Variants in MYRIP observed in about 807,000 individuals in gnomAD.
MYRIP encodes the protein rab effector MyRIP.
MYRIP carries 49 observed loss-of-function variants against 98.0 expected under a neutral mutation model. The observed-to-expected ratio is 0.50, with a 90% CI of 0.40 to 0.63. The LOEUF (loss-of-function observed/expected upper bound fraction) is 0.63. Ranked by LOEUF, MYRIP falls within the 30% of genes least tolerant of loss-of-function variation. The pLI is 0.00. For missense variants in MYRIP, 1,004 were observed against 1,058.2 expected (o/e 0.95, Z 0.71); for synonymous variants, 404 against 409.5 (o/e 0.99, Z 0.16).
intron 10 of MYRIP, among the ~76,000 whole-genome samples, chr3:40,191,129 G>A (rs1041843759): frequency 1.1e-4 from 17 of 152,166 alleles, no homozygotes; most frequent in African/African-American, 3.4e-4. Context: ...TTCCCACATG[G>A]TTTAGTTCAA....
chr3:40,060,991 ATGT>A lies in MYRIP; in HGVS notation c.332+16725_332+16727del, dbSNP rs1176026316. Among the ~76,000 whole-genome samples, 5 of 152,180 alleles carry A rather than the reference ATGT, an allele frequency of 3.3e-5. No homozygotes were observed. In the South Asian group the frequency reaches 6.2e-4, roughly 19 times the overall value. On this transcript the variant is annotated intron_variant, in intron 3 of 16. Coordinates refer to ENST00000302541, the MANE Select transcript of MYRIP (RefSeq NM_015460.4). ...ATAATTCAACAGGATATGCATATTG[ATGT>A]TGTTATTGACATATTTGATTAAAAA...
chr3:40,239,736 C>T (rs1241017807), intron 12 of MYRIP, among the ~76,000 whole-genome samples: 34 of 146,536 alleles, frequency 2.3e-4, no homozygotes, highest in African/African-American at 8.3e-4. Flanking sequence ...TGTCCTTTGC[C>T]CACTTTTTGA....
At chr3:40,089,325 A>T (rs1948695357) in intron 3 of MYRIP, among the ~76,000 whole-genome samples, 1 of 152,186 alleles carries the variant, frequency 6.6e-6, no homozygotes, top group South Asian at 2.1e-4. Context: ...TTTTGCTTGC[A>T]TTGTGTTATT....
At chr3:40,239,665 T>C (rs1444142465) in intron 12 of MYRIP, among the ~76,000 whole-genome samples, 4 of 150,676 alleles carry the variant, frequency 2.7e-5, no homozygotes, top group Admixed American at 6.6e-5. Flanking sequence ...CCAGTGATGA[T>C]GAGCATTTTT....
At chr3:40,073,922 C>G (rs1028043239) in intron 3 of MYRIP, among the ~76,000 whole-genome samples, 1 of 152,182 alleles carries the variant, frequency 6.6e-6, no homozygotes, top group Admixed American at 6.5e-5. Flanking sequence ...CTGTATAGAT[C>G]TGAGGTCCAA....
intron 2 of MYRIP, among the ~76,000 whole-genome samples, chr3:39,946,552 TGAG>T (rs1170159046): frequency 6.6e-6 from 1 of 152,146 alleles, no homozygotes; most frequent in Non-Finnish European, 1.5e-5. Context: ...TCTCCAGTGC[TGAG>T]ACGGAGGAGC....
intron 3 of MYRIP, among the ~76,000 whole-genome samples, chr3:40,086,389 C>T (rs555364821): frequency 2.6e-5 from 4 of 152,312 alleles, no homozygotes; most frequent in African/African-American, 9.6e-5. Context: ...TTGCTTTTCC[C>T]TCTGTAGAGG....
At chr3:40,013,328 T>A (rs1251222607) in intron 2 of MYRIP, among the ~76,000 whole-genome samples, 1 of 152,182 alleles carries the variant, frequency 6.6e-6, no homozygotes, top group Non-Finnish European at 1.5e-5. Flanking sequence ...TGCAGAATGG[T>A]CTCTGCTGGA....
intron 15 of MYRIP, among the ~76,000 whole-genome samples, chr3:40,251,090 C>A (rs1953363104): frequency 6.6e-6 from 1 of 152,216 alleles, no homozygotes; most frequent in Non-Finnish European, 1.5e-5. Flanking sequence ...AATGATCTGG[C>A]AATGCCAGTC....
chr3:40,144,585 G>A lies in MYRIP; in HGVS notation c.333-6463G>A, dbSNP rs73827318. Among the ~76,000 whole-genome samples the A allele has an allele frequency of 3.1e-3, 470 of 152,322 alleles. 1 individual carries two copies. The highest frequency in any genetic ancestry group is 0.011 in the African/African-American group (448 of 41,566). On this transcript the variant is annotated intron_variant, in intron 3 of 16. Transcript: ENST00000302541. ...CTGCTCAGAGAGCAGGGCAGTGTGTGGAAGGAGGAGCCTGGAGAACATTTC... is the reference window on the plus strand; with the variant it reads ...CTGCTCAGAGAGCAGGGCAGTGTGTAGAAGGAGGAGCCTGGAGAACATTTC...
chr3:40,013,337 G>A (rs1284829998), intron 2 of MYRIP, among the ~76,000 whole-genome samples: 1 of 152,224 alleles, frequency 6.6e-6, no homozygotes, highest in Non-Finnish European at 1.5e-5. Context: ...GTCTCTGCTG[G>A]AAGAAGGAAA....
intron 2 of MYRIP, among the ~76,000 whole-genome samples, chr3:39,989,721 G>A (rs1003555873): frequency 2.6e-5 from 4 of 152,228 alleles, no homozygotes; most frequent in African/African-American, 7.2e-5. Flanking sequence ...GGCTGAAGTT[G>A]TTGGAGTTCC....
chr3:40,067,643 T>C (rs1948149631), intron 3 of MYRIP, among the ~76,000 whole-genome samples: 1 of 152,172 alleles, frequency 6.6e-6, no homozygotes, highest in South Asian at 2.1e-4. Context: ...AGGATAGGCC[T>C]TATTTCTACC....
At chr3:40,117,699 G>A (rs769140823) in intron 3 of MYRIP, among the ~76,000 whole-genome samples, 7 of 152,140 alleles carry the variant, frequency 4.6e-5, no homozygotes, top group Admixed American at 6.5e-5. Flanking sequence ...CATAAAGGCA[G>A]CTTTATAGCC....
chr3:40,182,323 CAG>C lies in MYRIP; in HGVS notation c.980_981del (p.Glu327ValfsTer14). The C allele has an allele frequency of 6.2e-7, 1 of 1,613,886 alleles. No homozygotes were observed. Among genetic ancestry groups the C allele is most frequent in the South Asian group, 1.1e-5 (1 of 91,008 alleles). On this transcript the variant is annotated frameshift_variant, in exon 9 of 17. Coordinates refer to ENST00000302541, the MANE Select transcript of MYRIP (RefSeq NM_015460.4). LOFTEE classifies it high-confidence loss of function. ...AGGGACCAAGGCCAACACCCGAGAG[CAG>C]AGTCTGCTCTGCCCAGCTGGAAGAG... is the stretch of plus-strand genomic sequence containing the variant.
intron 2 of MYRIP, among the ~76,000 whole-genome samples, chr3:39,927,396 C>T (rs1303665510): frequency 6.6e-6 from 1 of 151,890 alleles, no homozygotes; most frequent in Non-Finnish European, 1.5e-5. Context: ...GGCATCCTTG[C>T]TTGTTCCTAT....
intron 2 of MYRIP, among the ~76,000 whole-genome samples, chr3:39,937,831 C>T (rs1369506710): frequency 6.6e-6 from 1 of 152,134 alleles, no homozygotes; most frequent in African/African-American, 2.4e-5. Flanking sequence ...GAACACTCCA[C>T]TGATATATAC....
At chr3:40,233,249 A>G (rs13092724) in intron 11 of MYRIP, among the ~76,000 whole-genome samples, 12,431 of 152,200 alleles carry the variant, frequency 0.082, 767 homozygotes, top group African/African-American at 0.18. Flanking sequence ...TTTCCTGTTC[A>G]CCCCCATGGT....
upstream of MYRIP, among the ~76,000 whole-genome samples, chr3:39,809,313 G>A (rs908305790): frequency 6.6e-6 from 1 of 151,318 alleles, no homozygotes; most frequent in Non-Finnish European, 1.5e-5. Context: ...ACTGCACTGC[G>A]CCGCAGGGAA....
Sources: allele counts gnomAD v4.1 joint callset (sites outside exome capture counted in the v4.1 genomes callset), GRCh38; gene constraint gnomAD v4.1.1; transcripts MANE v1.5; gene names NCBI Gene and HGNC (gene_info 2026-07-23, HGNC 2026-07-21).